Variants in BLTP1 observed in about 807,000 individuals in gnomAD.
BLTP1 encodes bridge-like lipid transfer protein family member 1, also known as fragile site-associated protein.
chr4:122,251,050 G>A, the BLTP1 span: 56 of 985,216 alleles, frequency 5.7e-5, no homozygotes, highest in Non-Finnish European at 6.5e-5. Flanking sequence ...GGGTGGTGAT[G>A]AGTACAGTAA....
the BLTP1 span, among the ~76,000 whole-genome samples, chr4:122,223,681 T>C: frequency 1.3e-5 from 2 of 152,132 alleles, no homozygotes; most frequent in Non-Finnish European, 2.9e-5. Flanking sequence ...TGATTACTCA[T>C]AGAGTATGGA....
chr4:122,264,783 G>A, the BLTP1 span, among the ~76,000 whole-genome samples: 400 of 152,070 alleles, frequency 2.6e-3, 2 homozygotes, highest in African/African-American at 9.2e-3. Flanking sequence ...TTAGAGCAGA[G>A]GAATAAAGTA....
the BLTP1 span, among the ~76,000 whole-genome samples, chr4:122,325,019 C>T: frequency 6.6e-6 from 1 of 151,766 alleles, no homozygotes; most frequent in Non-Finnish European, 1.5e-5. Context: ...AGTATAAATT[C>T]TTTTTATATG....
the BLTP1 span, chr4:122,279,631 CT>C: frequency 1.9e-5 from 17 of 901,862 alleles, no homozygotes; most frequent in Non-Finnish European, 2.8e-5. Context: ...GAAATCTACA[CT>C]TTTTTTGTAA....
At chr4:122,161,235 T>G in the BLTP1 span, 1 of 465,900 alleles carries the variant, frequency 2.1e-6, no homozygotes, top group African/African-American at 2.1e-5. Flanking sequence ...ATTTCATTGT[T>G]GCATGAGGGA....
chr4:122,341,867 T>G, the BLTP1 span: 1 of 967,194 alleles, frequency 1.0e-6, no homozygotes, highest in Non-Finnish European at 1.2e-6. Flanking sequence ...GAAGTAAGTA[T>G]GGGTTAGCGA....
chr4:122,269,725 T>G, the BLTP1 span: 492 of 977,954 alleles, frequency 5.0e-4, 3 homozygotes, highest in South Asian at 5.2e-3. Context: ...CTCCTACTAC[T>G]TTGTAAAGCC....
the BLTP1 span, chr4:122,344,623 G>C: frequency 1.9e-5 from 25 of 1,291,292 alleles, no homozygotes; most frequent in South Asian, 3.0e-4. Flanking sequence ...AATGGCCTCT[G>C]TTTTAATAGT....
chr4:122,347,360 A>G, the BLTP1 span: 2 of 822,790 alleles, frequency 2.4e-6, no homozygotes, highest in Non-Finnish European at 2.9e-6. Context: ...AAACACTGGC[A>G]TGTTCTTTGC....
At chr4:122,271,060 A>G in the BLTP1 span, 4 of 1,613,500 alleles carry the variant, frequency 2.5e-6, no homozygotes, top group East Asian at 6.7e-5. Flanking sequence ...TCAAACCAGC[A>G]TTAATGTTGG....
chr4:122,239,070 AACTTG>A, the BLTP1 span, among the ~76,000 whole-genome samples: 1 of 152,168 alleles, frequency 6.6e-6, no homozygotes, highest in Non-Finnish European at 1.5e-5. Context: ...TACCAGTTTT[AACTTG>A]TTCTGCCTTA....
chr4:122,307,813 C>G, the BLTP1 span: 1 of 1,475,268 alleles, frequency 6.8e-7, no homozygotes, highest in Non-Finnish European at 8.9e-7. Flanking sequence ...TAGATCTTTC[C>G]TAATTCTAAT....
the BLTP1 span, among the ~76,000 whole-genome samples, chr4:122,176,257 C>T: frequency 2.0e-5 from 3 of 151,460 alleles, no homozygotes; most frequent in African/African-American, 4.9e-5. Context: ...GAGCCAAGAT[C>T]GTGCCACTGC....
At chr4:122,206,082 A>C in the BLTP1 span, 1 of 978,316 alleles carries the variant, frequency 1.0e-6, no homozygotes, top group South Asian at 4.7e-5. Flanking sequence ...ATATGAACAC[A>C]ATTTTAAAAA....
chr4:122,235,377 G>A, the BLTP1 span: 1 of 984,602 alleles, frequency 1.0e-6, no homozygotes, highest in Non-Finnish European at 1.2e-6. Flanking sequence ...TGTTTCACCA[G>A]CTTGCTTTTA....
the BLTP1 span, among the ~76,000 whole-genome samples, chr4:122,203,204 G>C: frequency 0.064 from 9,756 of 151,872 alleles, 886 homozygotes; most frequent in African/African-American, 0.2. Flanking sequence ...TAATGTTCCT[G>C]AACAGCCATT....
the BLTP1 span, chr4:122,271,518 C>T: frequency 4.3e-6 from 7 of 1,613,274 alleles, no homozygotes; most frequent in Non-Finnish European, 5.9e-6. Flanking sequence ...GAAAGAAGAA[C>T]ATCAAAAGTG....
the BLTP1 span, chr4:122,270,181 T>G: frequency 1.8e-4 from 30 of 162,660 alleles, 1 homozygote; most frequent in South Asian, 4.0e-3. Context: ...TTTTTCTTAT[T>G]AATTAAGAAA....
chr4:122,195,677 TC>T, the BLTP1 span: 1 of 821,290 alleles, frequency 1.2e-6, no homozygotes, highest in Non-Finnish European at 1.5e-6. Flanking sequence ...CACCTTGTAG[TC>T]AATGATCATC....
Sources: allele counts gnomAD v4.1 joint callset (sites outside exome capture counted in the v4.1 genomes callset), GRCh38; gene constraint gnomAD v4.1.1; transcripts MANE v1.5; gene names NCBI Gene and HGNC (gene_info 2026-07-23, HGNC 2026-07-21).